COL5A1: variants seen among roughly 807,000 people sequenced by gnomAD.
COL5A1 encodes collagen alpha-1(V) chain.
A neutral mutation model predicts 263.7 loss-of-function variants in COL5A1; 16 were observed. The ratio of observed to expected loss-of-function variants is 0.06; its 90% CI spans 0.04 to 0.09. The LOEUF (loss-of-function observed/expected upper bound fraction) is 0.09, where lower values mean the gene tolerates loss of function less well. Among genes scored for constraint, COL5A1 ranks in the 10% least tolerant of loss-of-function variants. The pLI is 1.00. For synonymous variants in COL5A1, 1,012 were observed against 1,004.5 expected (o/e 1.01, Z -0.14); for missense variants, 2,036 against 2,540.5 (o/e 0.80, Z 4.27).
intron 20 of COL5A1, among the ~76,000 whole-genome samples, chr9:134,764,300 GTCT>G: frequency 8.3e-6 from 1 of 120,550 alleles, no homozygotes; most frequent in Non-Finnish European, 1.7e-5. Context: ...AGCATGGGAG[GTCT>G]GAGGTCATTA....
rs560814216 is a variant in COL5A1, at chr9:134,727,249, C to A, written c.655-17C>A. The A allele has an allele frequency of 1.1e-5, 17 of 1,612,946 alleles. No individual in the cohort carries two copies. The Admixed American group carries it at 2.7e-4, about 25-fold the overall frequency. On this transcript the variant is annotated splice_polypyrimidine_tract_variant and intron_variant, in intron 4 of 65. Coordinates refer to ENST00000371817, the MANE Select transcript of COL5A1 (RefSeq NM_000093.5). ...GCTCTGTGAGCTGCTTTTTCATGAG[C>A]GTCTCTTCTTTTCCAGGGTGACATC... is the stretch of plus-strand genomic sequence containing the variant.
rs1171657564 is a variant in COL5A1, at chr9:134,758,684, A to G, written c.1935+388A>G. Among the ~76,000 whole-genome samples, 1 of 152,148 alleles carries G rather than the reference A, an allele frequency of 6.6e-6. No individual in the cohort carries two copies. Among genetic ancestry groups the G allele is most frequent in the Admixed American group, 6.5e-5 (1 of 15,286 alleles). On this transcript the variant is annotated intron_variant, in intron 18 of 65. Coordinates refer to ENST00000371817, the MANE Select transcript of COL5A1 (RefSeq NM_000093.5). This position sits in a 1 kb window ranked among gnomAD's most constrained non-coding sequence, Gnocchi z 4.1. ...GCGGCCAAGGACACTTTGCAATATT[A>G]AAGTGGTGGTCCCAAGGGGGTGGGG...
Position 134,678,784 on chromosome 9 carries a change from G to T in COL5A1, c.110-12128G>T, listed in dbSNP as rs776488046. Among the ~76,000 whole-genome samples the T allele has an allele frequency of 1.3e-5, 2 of 152,252 alleles. No individual in the cohort carries two copies. Among genetic ancestry groups the T allele is most frequent in the Non-Finnish European group, 2.9e-5 (2 of 68,044 alleles). ...GAGGAACGGGTGGGCCGGGCCCTGG[G>T]TGAAGGGGCTGGAGCTAAATGCCGT... On this transcript the variant is annotated intron_variant, in intron 1 of 65. Coordinates refer to ENST00000371817, the MANE Select transcript of COL5A1 (RefSeq NM_000093.5). This position sits in a 1 kb window ranked among gnomAD's most constrained non-coding sequence, Gnocchi z 5.5.
chr9:134,808,389 C>A (rs1364354378), intron 42 of COL5A1, among the ~76,000 whole-genome samples: 1 of 152,142 alleles, frequency 6.6e-6, no homozygotes, highest in Non-Finnish European at 1.5e-5. Flanking sequence ...GATTACCAAG[C>A]AGGCAGTTAG....
At chr9:134,820,076 G>A (rs762301432) in intron 57 of COL5A1, 40 bp from the exon 58 acceptor site, 5 of 1,499,324 alleles carry the variant, frequency 3.3e-6, no homozygotes, top group Non-Finnish European at 3.7e-6. Context: ...ATGAGGCGTG[G>A]CTCCCTCAAA....
intron 32 of COL5A1, among the ~76,000 whole-genome samples, chr9:134,792,276 C>T (rs934635358): frequency 4.6e-5 from 7 of 152,200 alleles, no homozygotes; most frequent in Non-Finnish European, 7.3e-5. Context: ...TTTGAAACAG[C>T]TCTGGTCCCA....
chr9:134,750,253 A>G (rs1397150990), intron 11 of COL5A1, among the ~76,000 whole-genome samples: 2 of 152,126 alleles, frequency 1.3e-5, no homozygotes, highest in African/African-American at 4.8e-5. Flanking sequence ...CTCTGCCTTG[A>G]GGCCCCAGAG....
At chr9:134,771,164 C>G (rs1010461204) in intron 25 of COL5A1, among the ~76,000 whole-genome samples, 1 of 152,256 alleles carries the variant, frequency 6.6e-6, no homozygotes, top group Non-Finnish European at 1.5e-5. Context: ...GGGGCTTCCT[C>G]GAGCAGCCGG....
rs145101509 is a variant in COL5A1, at chr9:134,817,034, C to T, written c.4131C>T (p.Pro1377=). 56 of 1,613,804 alleles carry T rather than the reference C, an allele frequency of 3.5e-5. No homozygotes were observed. The highest frequency in any genetic ancestry group is 1.6e-4 in the Middle Eastern group (1 of 6,080). ...DDGEPGQTGS[P]GPTGEPGPSG... ...CTTTCTCCCAATACCAGGGATCCCC[C>T]GGCCCTACTGGTGAACCAGGTCCAT... Residue 1377 remains proline (P), a synonymous_variant, in exon 53 of 66, where the codon CCC becomes CCT. Transcript: ENST00000371817.
chr9:134,783,173 C>T lies in COL5A1; in HGVS notation c.2484+453C>T, dbSNP rs569946462. Among the ~76,000 whole-genome samples the T allele has an allele frequency of 3.3e-5, 5 of 152,352 alleles. No homozygotes were observed. In the South Asian group the frequency reaches 6.2e-4, roughly 19 times the overall value. Reference sequence around the variant, plus strand: ...CCGGCGCCCACAGGGCAGCACGCGACGTGGGTCTAGGATCCCTGTGAGCCT... The same window carrying T: ...CCGGCGCCCACAGGGCAGCACGCGATGTGGGTCTAGGATCCCTGTGAGCCT... On this transcript the variant is annotated intron_variant, in intron 29 of 65. Coordinates refer to ENST00000371817, the MANE Select transcript of COL5A1 (RefSeq NM_000093.5).
At chr9:134,779,364 G>A (rs1837172464) in intron 27 of COL5A1, among the ~76,000 whole-genome samples, 1 of 152,216 alleles carries the variant, frequency 6.6e-6, no homozygotes, top group African/African-American at 2.4e-5. Flanking sequence ...ATAGTCCTGG[G>A]CCCCGTCCCA....
At chr9:134,756,640 T>C in intron 16 of COL5A1, 125 bp from the exon 17 acceptor site, 1 of 1,064,402 alleles carries the variant, frequency 9.4e-7, no homozygotes, top group South Asian at 1.3e-5. Context: ...CCACTCGGGC[T>C]GTGACCTTGG....
chr9:134,708,204 T>TGGGCA (rs1312362032), intron 4 of COL5A1, among the ~76,000 whole-genome samples: 1 of 152,128 alleles, frequency 6.6e-6, no homozygotes, highest in Non-Finnish European at 1.5e-5. Flanking sequence ...TGTGTGCACC[T>TGGGCA]GGGCAGGGCA....
intron 1 of COL5A1, among the ~76,000 whole-genome samples, chr9:134,654,467 G>T (rs1184763630): frequency 9.4e-5 from 12 of 127,546 alleles, no homozygotes; most frequent in South Asian, 2.8e-4. Context: ...TGTAGGGCTG[G>T]AGGTGTGTAG....
At chr9:134,820,536 G>A (rs1415840738) in intron 58 of COL5A1, among the ~76,000 whole-genome samples, 2 of 152,194 alleles carry the variant, frequency 1.3e-5, no homozygotes, top group Non-Finnish European at 2.9e-5. Context: ...CAGCCCTGTG[G>A]GAGAGCCTGT....
chr9:134,802,081 G>A, intron 38 of COL5A1, 74 bp downstream of exon 38: 10 of 1,447,664 alleles, frequency 6.9e-6, no homozygotes, highest in Non-Finnish European at 9.7e-6. Context: ...TCCCAGCCCG[G>A]GCATCTGTTC....
chr9:134,801,401 G>A (rs983045838), intron 37 of COL5A1, among the ~76,000 whole-genome samples: 3 of 152,252 alleles, frequency 2.0e-5, no homozygotes, highest in Admixed American at 6.5e-5. Context: ...GAAAAGGAGC[G>A]TTTGGTGACA....
At chr9:134,824,425 A>G (rs1010717491) in intron 61 of COL5A1, among the ~76,000 whole-genome samples, 175 bp from the exon 62 acceptor site, 4 of 152,244 alleles carry the variant, frequency 2.6e-5, no homozygotes, top group Non-Finnish European at 4.4e-5. Context: ...GGAATGTTCC[A>G]GAGACTGGAG....
At chr9:134,785,661 T>C (rs34496826) in intron 30 of COL5A1, among the ~76,000 whole-genome samples, 5,864 of 152,308 alleles carry the variant, frequency 0.039, 161 homozygotes, top group Non-Finnish European at 0.056. Context: ...CGTGGACCCA[T>C]ACAAAAGGGC....
Sources: gnomAD v4.1 joint callset for allele counts (sites outside exome capture counted in the v4.1 genomes callset) on GRCh38, gnomAD v4.1.1 for gene constraint, Gnocchi (gnomAD v3.1) non-coding constraint, MANE v1.5 for transcripts, NCBI Gene and HGNC (gene_info 2026-07-23, HGNC 2026-07-21) for gene names.